Variants in FIG4 observed in about 807,000 individuals in gnomAD.
The protein encoded by FIG4 is polyphosphoinositide phosphatase.
Under a neutral mutation model 118.6 loss-of-function variants are expected in FIG4, and 112 were observed. The observed-to-expected ratio is 0.94, with a 90% CI of 0.81 to 1.11. FIG4 has a LOEUF of 1.11. Among genes scored for constraint, FIG4 ranks in the 50% least tolerant of loss-of-function variants. The pLI is 0.00. For synonymous variants in FIG4, 369 were observed against 381.2 expected (o/e 0.97, Z 0.37); for missense variants, 969 against 1,111.7 (o/e 0.87, Z 1.83).
At chr6:109,806,066 T>G (rs1312120356) in intron 22 of FIG4, among the ~76,000 whole-genome samples, 2 of 152,334 alleles carry the variant, frequency 1.3e-5, no homozygotes, top group Admixed American at 6.5e-5. Flanking sequence ...TTAAGCCCAG[T>G]AACTTTGTTT....
intron 10 of FIG4, among the ~76,000 whole-genome samples, chr6:109,749,055 C>CTG (rs113357544): frequency 0.078 from 10,326 of 132,318 alleles, 401 homozygotes; most frequent in Middle Eastern, 0.098. Flanking sequence ...CAAAGGAGCT[C>CTG]TGTGTGTGTG....
chr6:109,791,637 T>A, intron 20 of FIG4, 66 bp downstream of exon 20: 4 of 1,457,686 alleles, frequency 2.7e-6, no homozygotes, highest in Non-Finnish European at 3.8e-6. Context: ...ACAACTCCGC[T>A]TTCAGTTAAA....
At chr6:109,722,226 C>T (rs1327371996) in intron 3 of FIG4, among the ~76,000 whole-genome samples, 11 of 151,032 alleles carry the variant, frequency 7.3e-5, no homozygotes, top group Admixed American at 2.0e-4. Context: ...TCATTTTTGG[C>T]GAGTCTCTAA....
At chr6:109,706,987 G>A (rs558502957) in intron 1 of FIG4, among the ~76,000 whole-genome samples, 2 of 152,186 alleles carry the variant, frequency 1.3e-5, no homozygotes, top group East Asian at 3.9e-4. Flanking sequence ...GAGATTCTTT[G>A]ACTTCCTTTC....
In FIG4 at chr6:109,765,076, G is replaced by A; in HGVS notation, c.1498G>A (p.Val500Met). 1 of 1,613,626 alleles carries A rather than the reference G, an allele frequency of 6.2e-7. No individual in the cohort carries two copies. The highest frequency in any genetic ancestry group is 8.5e-7 in the Non-Finnish European group (1 of 1,179,570). ...TCGCACCAACACAGCACAGTTTATG[G>A]TGGGAAAATGTGCTCTGGCCTATCA... ...LDRTNTAQFM[V>M]GKCALAYQLY... The change falls in exon 14 of 23, where the codon GTG (valine) becomes ATG (methionine). Residue 500 changes from valine to methionine, a missense_variant. This residue lies in a region of FIG4 where 246 missense variants were observed against 354.3 expected (regional missense o/e 0.69). Transcript: ENST00000230124.
chr6:109,771,543 A>G (rs1191130590), intron 15 of FIG4, among the ~76,000 whole-genome samples: 3 of 132,228 alleles, frequency 2.3e-5, no homozygotes, highest in Admixed American at 1.9e-4. Flanking sequence ...ATCTCGGCTC[A>G]CTGCAAGCTC....
chr6:109,709,278 G>A (rs1472041422), intron 1 of FIG4, among the ~76,000 whole-genome samples: 2 of 152,134 alleles, frequency 1.3e-5, no homozygotes, highest in African/African-American at 4.8e-5. Context: ...TTGTAGATGT[G>A]TGGCCTTATT....
intron 22 of FIG4, among the ~76,000 whole-genome samples, chr6:109,809,317 A>G (rs2128400253): frequency 6.6e-6 from 1 of 152,332 alleles, no homozygotes; most frequent in East Asian, 1.9e-4. Context: ...GCTGTGAAAC[A>G]TTGCTTCTTT....
chr6:109,702,153 CTG>C (rs1442294835), intron 1 of FIG4, among the ~76,000 whole-genome samples: 1 of 152,194 alleles, frequency 6.6e-6, no homozygotes, highest in African/African-American at 2.4e-5. Context: ...TGAATTGAAG[CTG>C]TCATACAACC....
At position 109,732,681 on chromosome 6, in the gene FIG4, A is replaced by T; in HGVS notation, c.491A>T (p.Tyr164Phe). 6.5e-7 allele frequency: 1 copy of T among 1,529,338 alleles called. No homozygotes were observed. 94.7% of individuals were successfully genotyped at this position (1,529,338 alleles called of 1,614,324 possible). A position where few individuals can be genotyped will look rare whatever the true frequency, so the allele number is the denominator to read the frequency against. Residue 164 changes from tyrosine to phenylalanine, a missense_variant, in exon 5 of 23, where the codon TAC becomes TTC. Transcript: ENST00000230124. ...AATGTGGACCTATCTAGCAATTTTT[A>T]CTTTAGGTAAGTGTGAGGTTAGTTT... The part of the protein sequence containing the change: ...FQNVDLSSNF[Y>F]FSYSYDLSHS...
intron 1 of FIG4, among the ~76,000 whole-genome samples, chr6:109,714,521 GAA>G (rs762461120): frequency 1.3e-5 from 2 of 152,182 alleles, no homozygotes; most frequent in Non-Finnish European, 2.9e-5. Context: ...AGGAAAGAAA[GAA>G]TGATGATAAT....
At chr6:109,821,981 A>G (rs1174214478) in intron 22 of FIG4, among the ~76,000 whole-genome samples, 1 of 152,190 alleles carries the variant, frequency 6.6e-6, no homozygotes, top group East Asian at 1.9e-4. Flanking sequence ...TCGAGGTTGC[A>G]GTGAGCCATG....
rs140841446 is a variant in FIG4 at position 109,699,808 on chromosome 6, A to T, written c.66+8307A>T. Reference sequence around the variant, plus strand: ...TGTGAGCCACCGTGCCTGGCCTCTCATGTGCATTTTGGATTAATCAGTGTC... The same window carrying T: ...TGTGAGCCACCGTGCCTGGCCTCTCTTGTGCATTTTGGATTAATCAGTGTC... On this transcript the variant is annotated intron_variant, in intron 1 of 22. Transcript: ENST00000230124. 3.8e-3 allele frequency among the ~76,000 whole-genome samples: 571 copies of T among 152,160 alleles called. 3 individuals carry two copies. Among genetic ancestry groups the T allele is most frequent in the African/African-American group, 0.013 (546 of 41,536 alleles).
chr6:109,824,305 C>T (rs1407622058), intron 22 of FIG4, among the ~76,000 whole-genome samples: 15 of 152,216 alleles, frequency 9.9e-5, no homozygotes, highest in Admixed American at 9.8e-4. Context: ...TCGCAGAATT[C>T]CGAATTGTCA....
chr6:109,750,909 A>C lies in FIG4; in HGVS notation c.1137+7137A>C, dbSNP rs184280871. On this transcript the variant is annotated intron_variant, in intron 10 of 22. Coordinates refer to ENST00000230124, the MANE Select transcript of FIG4 (RefSeq NM_014845.6). Reference sequence around the variant, plus strand: ...TTGATTTTAAATGCTTTTGAGAAAAATTTCAGATATATAATTTAATTTTCT... The same window carrying C: ...TTGATTTTAAATGCTTTTGAGAAAACTTTCAGATATATAATTTAATTTTCT... Among the ~76,000 whole-genome samples, 49 of 152,294 alleles carry C rather than the reference A, an allele frequency of 3.2e-4. No homozygotes were observed. The East Asian group carries it at 9.3e-3, about 29-fold the overall frequency.
intron 2 of FIG4, 22 bp from the exon 3 acceptor site, chr6:109,716,423 G>A (rs1445731538): frequency 6.2e-7 from 1 of 1,612,524 alleles, no homozygotes; most frequent in South Asian, 1.1e-5. Flanking sequence ...CAACCTTACA[G>A]AGTAAATGTG....
rs71018365 is a variant in FIG4, at chr6:109,764,443, GAA to G, written c.1434+474_1434+475del. On this transcript the variant is annotated intron_variant, in intron 13 of 22. Transcript: ENST00000230124. ...ACAGAGCAAGACTCTGTCTCAGAAA[GAA>G]AAAAAAAAAAAAGAAAAATGTGTAG... is the stretch of plus-strand genomic sequence containing the variant. Among the ~76,000 whole-genome samples the G allele has an allele frequency of 8.3e-4, 107 of 128,820 alleles. 1 individual carries two copies. The highest frequency in any genetic ancestry group is 2.2e-3 in the African/African-American group (77 of 35,480). 84.5% of individuals were successfully genotyped at this position (128,820 alleles called of 152,430 possible). A position where few individuals can be genotyped will look rare whatever the true frequency, so the allele number is the denominator to read the frequency against.
chr6:109,738,423 T>C lies in FIG4; in HGVS notation c.745T>C (p.Tyr249His). The change falls in exon 7 of 23, where the codon TAT becomes CAT. Residue 249 changes from tyrosine (Y) to histidine (H), a missense_variant. Physicochemically the swap from Tyr to His is moderately conservative, Grantham distance 83. Coordinates refer to ENST00000230124, the MANE Select transcript of FIG4 (RefSeq NM_014845.6). ...KSTVHRDWLL[Y>H]IIHGFCGQSK... ...TACTGTGCATCGTGACTGGCTTTTGTATATTATTCATGGGTTCTGTGGGCA... is the reference window on the plus strand; with the variant it reads ...TACTGTGCATCGTGACTGGCTTTTGCATATTATTCATGGGTTCTGTGGGCA... 1 of 1,612,888 alleles carries C rather than the reference T, an allele frequency of 6.2e-7. No homozygotes were observed. Among genetic ancestry groups the C allele is most frequent in the Non-Finnish European group, 8.5e-7 (1 of 1,179,102 alleles).
chr6:109,763,391 A>T (rs1777170973), intron 12 of FIG4, among the ~76,000 whole-genome samples: 1 of 116,844 alleles, frequency 8.6e-6, no homozygotes, highest in South Asian at 2.2e-4. Flanking sequence ...AAATATTAAC[A>T]TCATCTATAG....
Sources: allele counts gnomAD v4.1 joint callset (sites outside exome capture counted in the v4.1 genomes callset), GRCh38; gene constraint gnomAD v4.1.1; regional missense constraint gnomAD v4.1.1; transcripts MANE v1.5; gene names NCBI Gene and HGNC (gene_info 2026-07-23, HGNC 2026-07-21).